Variants in ARMC9 observed in about 807,000 individuals in gnomAD.
ARMC9 encodes lisH domain-containing protein ARMC9.
A neutral mutation model predicts 107.0 loss-of-function variants in ARMC9; 94 were observed. That is an observed-to-expected ratio of 0.88 (90% CI 0.74 to 1.04). The LOEUF (loss-of-function observed/expected upper bound fraction) is 1.04. Among genes scored for constraint, ARMC9 ranks in the 50% least tolerant of loss-of-function variants. ARMC9 has a pLI of 0.00. For synonymous variants in ARMC9, 380 were observed against 396.9 expected (o/e 0.96, Z 0.51); for missense variants, 942 against 1,030.1 (o/e 0.91, Z 1.17).
chr2:231,265,757 A>T (rs2038803415), intron 12 of ARMC9, among the ~76,000 whole-genome samples: 1 of 151,900 alleles, frequency 6.6e-6, no homozygotes, highest in Admixed American at 6.6e-5. Flanking sequence ...CTGTAATCCC[A>T]GCACTTTGGG....
chr2:231,290,362 CA>C (rs2040901406), intron 17 of ARMC9, among the ~76,000 whole-genome samples: 1 of 152,182 alleles, frequency 6.6e-6, no homozygotes, highest in Non-Finnish European at 1.5e-5. Flanking sequence ...CTATTGATTC[CA>C]AACTGGCCTA....
At chr2:231,281,966 A>C in intron 16 of ARMC9, 93 bp from the exon 17 acceptor site, 1 of 1,241,466 alleles carries the variant, frequency 8.1e-7, no homozygotes, top group Non-Finnish European at 1.2e-6. Context: ...CACTCTCCCC[A>C]TTTGCCAGAT....
At chr2:231,308,152 GT>G (rs2042134778) in intron 19 of ARMC9, among the ~76,000 whole-genome samples, 1 of 152,242 alleles carries the variant, frequency 6.6e-6, no homozygotes, top group Non-Finnish European at 1.5e-5. Context: ...CAGTGTTCAA[GT>G]TCACTGGGGA....
At chr2:231,322,664 G>C (rs145120527) in intron 19 of ARMC9, among the ~76,000 whole-genome samples, 1 of 152,210 alleles carries the variant, frequency 6.6e-6, no homozygotes, top group Non-Finnish European at 1.5e-5. Context: ...GGGAAGCTTC[G>C]CATTAGGACA....
At chr2:231,228,067 G>C (rs978917136) in intron 7 of ARMC9, among the ~76,000 whole-genome samples, 1 of 152,314 alleles carries the variant, frequency 6.6e-6, no homozygotes, top group African/African-American at 2.4e-5. Context: ...CCTCAGCTCT[G>C]CAGGCCCGCT....
intron 19 of ARMC9, among the ~76,000 whole-genome samples, chr2:231,327,028 G>A (rs559802001): frequency 3.3e-5 from 5 of 152,054 alleles, no homozygotes; most frequent in Non-Finnish European, 4.4e-5. Flanking sequence ...CTTCCTCCAG[G>A]GCCCCTCCTT....
intron 1 of ARMC9, among the ~76,000 whole-genome samples, chr2:231,199,921 C>T (rs1464184334): frequency 1.3e-5 from 2 of 152,122 alleles, no homozygotes; most frequent in African/African-American, 2.4e-5. Flanking sequence ...TGGTCTCGAA[C>T]TCCTGACCTC....
intron 9 of ARMC9, among the ~76,000 whole-genome samples, chr2:231,252,034 G>C (rs2037344612): frequency 6.6e-6 from 1 of 152,174 alleles, no homozygotes; most frequent in Admixed American, 6.5e-5. Context: ...ATGTTTATCA[G>C]ACTGGCTGTA....
chr2:231,298,742 G>A (rs778428191), intron 19 of ARMC9, among the ~76,000 whole-genome samples: 2 of 152,128 alleles, frequency 1.3e-5, no homozygotes, highest in Non-Finnish European at 2.9e-5. Context: ...AGACCAGCCT[G>A]GCCCACATGG....
rs1467740743 is a variant in ARMC9 at position 231,373,892 on chromosome 2, C to T, written c.*2357C>T. 1.5e-4 allele frequency: 14 copies of T among 93,860 alleles called. No individual in the cohort carries two copies. The East Asian group carries it at 3.0e-3, about 20-fold the overall frequency. The allele number at this position is 93,860 out of a possible 1,614,324, so 5.8% of individuals were successfully genotyped here. ...ACTCCAGCCTGGGCGACAGAGACTCCGTCAAAAAAAAAAAAAAAATACATT... is the reference window on the plus strand; with the variant it reads ...ACTCCAGCCTGGGCGACAGAGACTCTGTCAAAAAAAAAAAAAAAATACATT... On this transcript the variant is annotated 3_prime_UTR_variant, in exon 25 of 25. Transcript: ENST00000611582. The surrounding 1 kb of genome is among the most constrained non-coding windows in gnomAD (Gnocchi z 4.4).
rs1353161438 is a variant in ARMC9, at chr2:231,376,450, T to A, written c.*4915T>A. 1.3e-5 allele frequency among the ~76,000 whole-genome samples: 2 copies of A among 152,120 alleles called. No individual in the cohort carries two copies. The highest frequency in any genetic ancestry group is 2.9e-5 in the Non-Finnish European group (2 of 68,018). On this transcript the variant is annotated 3_prime_UTR_variant, in exon 25 of 25. Transcript: ENST00000611582. ...CCCCCGGGGGCGTGGTCGTCTCTTATGGTCGAGGCTGCAGAGATGAAATAA... is the reference window on the plus strand; with the variant it reads ...CCCCCGGGGGCGTGGTCGTCTCTTAAGGTCGAGGCTGCAGAGATGAAATAA...
At chr2:231,207,174 T>C (rs910932131) in intron 2 of ARMC9, among the ~76,000 whole-genome samples, 4 of 151,874 alleles carry the variant, frequency 2.6e-5, no homozygotes, top group Non-Finnish European at 4.4e-5. Context: ...TCAGCTAGGT[T>C]TTATTCTAAT....
chr2:231,268,418 C>G (rs2039035089), intron 12 of ARMC9, among the ~76,000 whole-genome samples: 1 of 152,114 alleles, frequency 6.6e-6, no homozygotes, highest in African/African-American at 2.4e-5. Flanking sequence ...ACATGTTGCC[C>G]TCTTGAATTA....
rs1470072808 is a variant in ARMC9, at chr2:231,255,903, G to A, written c.880-683G>A. Among the ~76,000 whole-genome samples, 1 of 152,176 alleles carries A rather than the reference G, an allele frequency of 6.6e-6. No individual in the cohort carries two copies. Among genetic ancestry groups the A allele is most frequent in the Non-Finnish European group, 1.5e-5 (1 of 68,020 alleles). ...ATACTAAACAAAATTAGCTGAGCATGGTGGCAGGTGCCTGTAATCCCAGCT... is the reference window on the plus strand; with the variant it reads ...ATACTAAACAAAATTAGCTGAGCATAGTGGCAGGTGCCTGTAATCCCAGCT... On this transcript the variant is annotated intron_variant, in intron 9 of 24. Transcript: ENST00000611582. The surrounding 1 kb of genome is among the most constrained non-coding windows in gnomAD (Gnocchi z 4.7).
intron 20 of ARMC9, among the ~76,000 whole-genome samples, chr2:231,337,318 G>C (rs1233853791): frequency 2.8e-4 from 15 of 53,616 alleles, no homozygotes; most frequent in African/African-American, 1.1e-3. Context: ...TTTTTTTTGA[G>C]ACAGTGTCTC....
rs2042831012 is a variant in ARMC9 at position 231,318,548 on chromosome 2, T to C, written c.1774-13245T>C. On this transcript the variant is annotated intron_variant, in intron 19 of 24. Transcript: ENST00000611582. ...GTCCCCCTTCAATTTCTAGCAGCTG[T>C]GCCTGCCACTTGCCCTCTACCACGT... 2.6e-5 allele frequency among the ~76,000 whole-genome samples: 4 copies of C among 152,272 alleles called. No homozygotes were observed. In the South Asian group the frequency reaches 6.2e-4, roughly 24 times the overall value.
chr2:231,337,443 C>T (rs1242859919), intron 20 of ARMC9, among the ~76,000 whole-genome samples: 24 of 146,796 alleles, frequency 1.6e-4, no homozygotes, highest in Middle Eastern at 7.0e-3. Context: ...ATTACAGGCG[C>T]GCGCCACCAC....
chr2:231,261,968 G>T (rs796652517), intron 11 of ARMC9, among the ~76,000 whole-genome samples: 113 of 280 alleles, frequency 0.4, no homozygotes, highest in African/African-American at 0.47. Context: ...GTCTACAGGC[G>T]CCCGCACCAC....
At chr2:231,219,485 C>G (rs2033885458) in intron 5 of ARMC9, among the ~76,000 whole-genome samples, 1 of 152,202 alleles carries the variant, frequency 6.6e-6, no homozygotes. Flanking sequence ...GCATCATTTC[C>G]TAGCTCGCAT....
Sources: gnomAD v4.1 joint callset for allele counts (sites outside exome capture counted in the v4.1 genomes callset) on GRCh38, gnomAD v4.1.1 for gene constraint, Gnocchi (gnomAD v3.1) non-coding constraint, MANE v1.5 for transcripts, NCBI Gene and HGNC (gene_info 2026-07-23, HGNC 2026-07-21) for gene names.